Variants in STAG1 observed in about 807,000 individuals in gnomAD.
STAG1 encodes the protein cohesin subunit SA-1.
In STAG1, 26 loss-of-function variants were observed where a neutral mutation model predicts 170.9. That is an observed-to-expected ratio of 0.15 (90% confidence interval 0.11 to 0.21). The LOEUF (loss-of-function observed/expected upper bound fraction) is 0.21. STAG1 is among the 10% of genes least tolerant of loss of function. The probability of loss-of-function intolerance (pLI) is 1.00; values close to 1 mark genes in which losing one functional copy is unlikely to be tolerated. For synonymous variants in STAG1, 514 were observed against 497.7 expected, an observed-to-expected ratio of 1.03 and a Z score of -0.44; for missense variants, 964 against 1,509.5, an observed-to-expected ratio of 0.64 and a Z score of 5.99.
At chr3:136,365,324 G>A (rs1937034358) in intron 25 of STAG1, among the ~76,000 whole-genome samples, 1 of 152,178 alleles carries the variant, frequency 6.6e-6, no homozygotes, top group Non-Finnish European at 1.5e-5. Flanking sequence ...AAAGCATCAA[G>A]TTGTTCCGAA....
At chr3:136,581,420 T>A (rs992104373) in intron 4 of STAG1, among the ~76,000 whole-genome samples, 1 of 152,160 alleles carries the variant, frequency 6.6e-6, no homozygotes, top group African/African-American at 2.4e-5. Context: ...TAAGTTATTT[T>A]AAAAAGATTT....
At chr3:136,623,476 T>G (rs557310163) in intron 2 of STAG1, among the ~76,000 whole-genome samples, 3 of 152,224 alleles carry the variant, frequency 2.0e-5, no homozygotes, top group African/African-American at 7.2e-5. Context: ...GAAGAAATGA[T>G]TGTGGAAATG....
chr3:136,569,538 G>T (rs1336187227), intron 4 of STAG1, among the ~76,000 whole-genome samples: 1 of 151,892 alleles, frequency 6.6e-6, no homozygotes, highest in Non-Finnish European at 1.5e-5. Flanking sequence ...ACAAGGCAAG[G>T]ATGCCCCTCT....
At chr3:136,571,524 G>A (rs1937265233) in intron 4 of STAG1, among the ~76,000 whole-genome samples, 1 of 151,756 alleles carries the variant, frequency 6.6e-6, no homozygotes, top group African/African-American at 2.4e-5. Flanking sequence ...AGCAAAGATC[G>A]CACCACTGCA....
intron 13 of STAG1, among the ~76,000 whole-genome samples, chr3:136,463,767 G>GTA (rs1553725809): frequency 0.025 from 1,477 of 58,682 alleles, 38 homozygotes; most frequent in African/African-American, 0.056. Flanking sequence ...GTGTGTGTGT[G>GTA]TATACACACA....
At chr3:136,749,901 T>C (rs921123687) in intron 1 of STAG1, among the ~76,000 whole-genome samples, 43 of 147,524 alleles carry the variant, frequency 2.9e-4, no homozygotes, top group African/African-American at 8.8e-4. Flanking sequence ...GTGAAATTTG[T>C]TATGCATTAA....
intron 1 of STAG1, among the ~76,000 whole-genome samples, chr3:136,716,178 C>T (rs1001722498): frequency 6.6e-6 from 1 of 151,738 alleles, no homozygotes; most frequent in Admixed American, 6.6e-5. Context: ...TAAGTCATGG[C>T]GGGCACAGTG....
intron 1 of STAG1, among the ~76,000 whole-genome samples, chr3:136,737,925 G>A (rs575477922): frequency 1.3e-4 from 20 of 151,830 alleles, no homozygotes; most frequent in Admixed American, 5.3e-4. Context: ...AAAATTAGCC[G>A]GGCATGGTGG....
intron 1 of STAG1, among the ~76,000 whole-genome samples, chr3:136,682,441 A>T (rs533283858): frequency 6.8e-4 from 98 of 143,908 alleles, no homozygotes; most frequent in African/African-American, 2.2e-3. Flanking sequence ...TTAAAAAAAA[A>T]ATAAAATATA....
chr3:136,497,741 G>C (rs1186388412), intron 9 of STAG1, among the ~76,000 whole-genome samples: 1 of 151,726 alleles, frequency 6.6e-6, no homozygotes, highest in Non-Finnish European at 1.5e-5. Context: ...TGTACTCCCA[G>C]CTACTTGGGA....
In STAG1 at chr3:136,422,175, T is replaced by A. The variant is rs78711754; in HGVS notation, c.2037+235A>T. Reference sequence around the variant, plus strand: ...CCTCAAAAAAAAAAAAAAAAAAAAATTTCTTGAAAGAGAAAAGAAATTCTA... The same window carrying A: ...CCTCAAAAAAAAAAAAAAAAAAAAAATTCTTGAAAGAGAAAAGAAATTCTA... On this transcript the variant is annotated intron_variant, in intron 19 of 33. Transcript: ENST00000383202. Among the ~76,000 whole-genome samples the A allele has an allele frequency of 5.8e-3, 746 of 128,930 alleles. 4 individuals are homozygous for A. The highest frequency in any genetic ancestry group is 7.7e-3 in the Non-Finnish European group (433 of 56,462). The allele number at this position is 128,930 out of a possible 152,430, so 84.6% of individuals were successfully genotyped here.
intron 6 of STAG1, among the ~76,000 whole-genome samples, chr3:136,533,175 A>G (rs1237035321): frequency 1.3e-5 from 2 of 152,184 alleles, no homozygotes; most frequent in Non-Finnish European, 2.9e-5. Flanking sequence ...AGAAAAAATA[A>G]AAGATCTAGA....
rs1233996683 is a variant in STAG1, at chr3:136,389,827, A to AT, written c.2277+8921dup. On this transcript the variant is annotated intron_variant, in intron 22 of 33. Transcript: ENST00000383202. ...GAGCCACCGCACCTGGCCTTATGCT[A>AT]TTTTTTTTTCTTTTTTTTTTTTGAG... Among the ~76,000 whole-genome samples the AT allele has an allele frequency of 2.5e-4, 34 of 138,012 alleles. No individual in the cohort carries two copies. The South Asian group carries it at 5.5e-3, about 22-fold the overall frequency. The allele number at this position is 138,012 out of a possible 152,430, so 90.5% of individuals were successfully genotyped here. A position where few individuals can be genotyped will look rare whatever the true frequency, so the allele number is the denominator to read the frequency against.
chr3:136,442,875 A>C (rs2088672259), intron 15 of STAG1, among the ~76,000 whole-genome samples: 1 of 152,182 alleles, frequency 6.6e-6, no homozygotes, highest in South Asian at 2.1e-4. Context: ...AAAATTTAAA[A>C]ATTAGCTGAG....
intron 15 of STAG1, among the ~76,000 whole-genome samples, chr3:136,438,619 C>A (rs1222890450): frequency 6.6e-6 from 1 of 152,032 alleles, no homozygotes; most frequent in African/African-American, 2.4e-5. Flanking sequence ...TAATTATCCA[C>A]CAAAGCTACT....
chr3:136,641,033 A>G (rs1211286116), intron 1 of STAG1, among the ~76,000 whole-genome samples: 1 of 152,336 alleles, frequency 6.6e-6, no homozygotes, highest in Non-Finnish European at 1.5e-5. Flanking sequence ...GAACACTGCT[A>G]TAATTAGGAA....
At chr3:136,592,091 A>G (rs1938214565) in intron 4 of STAG1, among the ~76,000 whole-genome samples, 1 of 152,172 alleles carries the variant, frequency 6.6e-6, no homozygotes, top group Non-Finnish European at 1.5e-5. Flanking sequence ...ATGATGGAGG[A>G]AGTATCTGCC....
At chr3:136,416,433 G>A (rs748009992) in intron 21 of STAG1, among the ~76,000 whole-genome samples, 10 of 152,218 alleles carry the variant, frequency 6.6e-5, no homozygotes, top group Non-Finnish European at 1.5e-4. Context: ...CGACAACACT[G>A]TGAAGCTGTC....
At chr3:136,464,293 C>T (rs948458191) in intron 13 of STAG1, among the ~76,000 whole-genome samples, 5 of 151,882 alleles carry the variant, frequency 3.3e-5, no homozygotes, top group African/African-American at 9.7e-5. Flanking sequence ...CAGGGTGGCG[C>T]ATGCCTGTAA....
Sources: gnomAD v4.1 joint callset for allele counts (sites outside exome capture counted in the v4.1 genomes callset) on GRCh38, gnomAD v4.1.1 for gene constraint, MANE v1.5 for transcripts, NCBI Gene and HGNC (gene_info 2026-07-23, HGNC 2026-07-21) for gene names.